APOL3: variants seen among roughly 807,000 people sequenced by gnomAD.
APOL3 encodes the protein apolipoprotein L3.
APOL3 carries 14 observed loss-of-function variants against 11.6 expected under a neutral mutation model. That is an observed-to-expected ratio of 1.21 (90% CI 0.80 to 1.89). The LOEUF is 1.89. Among genes scored for constraint, APOL3 ranks in the 40% most tolerant of loss-of-function variants. The pLI is 0.00. For synonymous variants in APOL3, 192 were observed against 190.6 expected, an observed-to-expected ratio of 1.01 and a Z score of -0.06; for missense variants, 483 against 492.1, an observed-to-expected ratio of 0.98 and a Z score of 0.17.
rs551567366 is a variant in APOL3 at position 36,158,534 on chromosome 22, AATGCGCCTGGCACGGTGGCTC to A, written c.223+2114_223+2134del. 3.9e-5 allele frequency among the ~76,000 whole-genome samples: 6 copies of A among 152,216 alleles called. No homozygotes were observed. In the East Asian group the frequency reaches 1.2e-3, roughly 29 times the overall value. On this transcript the variant is annotated intron_variant, in intron 1 of 2. Transcript: ENST00000349314. ...AACACTATGCCCATTAAGACTAAGG[AATGCGCCTGGCACGGTGGCTC>A]ATGCCTGTAATCCCAGCACTTTGGG...
chr22:36,152,806 T>TTTAC (rs2011995177), intron 1 of APOL3, among the ~76,000 whole-genome samples: 1 of 152,114 alleles, frequency 6.6e-6, no homozygotes, highest in Non-Finnish European at 1.5e-5. Context: ...AAGAAAATGA[T>TTTAC]TTACTCCCTA....
chr22:36,147,327 CT>C (rs2060256822), intron 1 of APOL3, among the ~76,000 whole-genome samples: 1 of 152,134 alleles, frequency 6.6e-6, no homozygotes, highest in African/African-American at 2.4e-5. Context: ...CCCTGTGGCC[CT>C]TCTGTGTTAC....
intron 2 of APOL3, among the ~76,000 whole-genome samples, chr22:36,145,011 AAAAAAAAAAAAAAAG>A (rs1196200125): frequency 4.5e-4 from 51 of 114,230 alleles, no homozygotes; most frequent in Admixed American, 3.3e-3. Flanking sequence ...CTCTGTCTCA[AAAAAAAAAAAAAAAG>A]AAAAAAAAAG....
Position 36,158,049 on chromosome 22 carries a change from C to CATAAATAA in APOL3, c.223+2612_223+2619dup, listed in dbSNP as rs58569199. Among the ~76,000 whole-genome samples, 254 of 151,668 alleles carry CATAAATAA rather than the reference C, an allele frequency of 1.7e-3. 2 individuals carry two copies. The highest frequency in any genetic ancestry group is 6.0e-3 in the African/African-American group (248 of 41,246). On this transcript the variant is annotated intron_variant, in intron 1 of 2. Coordinates refer to ENST00000349314, the Ensembl canonical transcript of APOL3. ...TGGGCAACAAAGCCAGACTCCATCT[C>CATAAATAA]ATAAATAAATAAATAAATAAATAAA...
intron 2 of APOL3, among the ~76,000 whole-genome samples, chr22:36,143,641 T>C (rs989153254): frequency 6.6e-6 from 1 of 152,186 alleles, no homozygotes; most frequent in African/African-American, 2.4e-5. Context: ...ACTGCCCCCT[T>C]TGACTGAAAA....
At chr22:36,152,505 G>A (rs985253218) in intron 1 of APOL3, among the ~76,000 whole-genome samples, 4 of 152,066 alleles carry the variant, frequency 2.6e-5, no homozygotes, top group Admixed American at 6.5e-5. Flanking sequence ...AAGGAAGGAG[G>A]GGGAGGATTA....
In APOL3 at chr22:36,157,821, G is replaced by A. The variant is rs147198645; in HGVS notation, c.223+2848C>T. ...TCCCAGCACTTTGGCAGGCCAAGGCGGGTGGATCACCTGAGGTCAGGAGTT... is the reference window on the plus strand; with the variant it reads ...TCCCAGCACTTTGGCAGGCCAAGGCAGGTGGATCACCTGAGGTCAGGAGTT... On this transcript the variant is annotated intron_variant, in intron 1 of 2. Transcript: ENST00000349314. 1.8e-4 allele frequency among the ~76,000 whole-genome samples: 28 copies of A among 152,292 alleles called. No homozygotes were observed. In the East Asian group the frequency reaches 4.8e-3, roughly 26 times the overall value.
exon 3 of APOL3, chr22:36,141,879 A>G (rs374947997): frequency 1.2e-6 from 2 of 1,614,224 alleles, no homozygotes; most frequent in East Asian, 2.2e-5. Flanking sequence ...GACCTCTTCA[A>G]TACCATTTGC....
At chr22:36,165,388 T>A (rs1306957881), upstream of APOL3, 1 of 152,174 alleles carries the variant, frequency 6.6e-6, no homozygotes, top group Non-Finnish European at 1.5e-5. Flanking sequence ...CAACACTTGA[T>A]AAACATTGCT....
intron 2 of APOL3, among the ~76,000 whole-genome samples, chr22:36,144,575 C>A (rs2060116531): frequency 6.6e-6 from 1 of 152,112 alleles, no homozygotes; most frequent in South Asian, 2.1e-4. Flanking sequence ...TCTGTGTCAG[C>A]AGGAGGATCC....
intron 1 of APOL3, among the ~76,000 whole-genome samples, chr22:36,159,920 G>T (rs932721176): frequency 7.3e-5 from 11 of 151,500 alleles, no homozygotes; most frequent in Non-Finnish European, 1.6e-4. Context: ...TGTCAGGAGT[G>T]CACTCAGGCT....
At chr22:36,156,356 G>A (rs561223715) in intron 1 of APOL3, among the ~76,000 whole-genome samples, 21 of 152,072 alleles carry the variant, frequency 1.4e-4, no homozygotes, top group Non-Finnish European at 2.4e-4. Context: ...ATTAGCCTTC[G>A]TGCATTAGCA....
chr22:36,146,960 T>G (rs1275254708), intron 1 of APOL3, among the ~76,000 whole-genome samples: 1 of 152,044 alleles, frequency 6.6e-6, no homozygotes, highest in Non-Finnish European at 1.5e-5. Context: ...TTTCCTGCCG[T>G]GGACACACTT....
intron 1 of APOL3, among the ~76,000 whole-genome samples, chr22:36,148,384 T>G (rs924646709): frequency 1.3e-5 from 2 of 152,252 alleles, no homozygotes; most frequent in African/African-American, 4.8e-5. Context: ...GAGGCCCTAC[T>G]GTGTGGCAGG....
At chr22:36,147,192 C>T (rs546222424) in intron 1 of APOL3, among the ~76,000 whole-genome samples, 5 of 152,296 alleles carry the variant, frequency 3.3e-5, no homozygotes, top group Admixed American at 2.6e-4. Context: ...AAGAATATTT[C>T]AACCCTACAC....
chr22:36,140,429 A>G (rs990451539), exon 3 of APOL3: 1 of 152,144 alleles, frequency 6.6e-6, no homozygotes, highest in Admixed American at 6.5e-5. Context: ...TTTTCAGTTA[A>G]TTTTCTGTCT....
At chr22:36,145,526 C>A (rs776053188) in exon 2 of APOL3, 5 of 1,614,064 alleles carry the variant, frequency 3.1e-6, no homozygotes, top group East Asian at 4.5e-5. Context: ...TGTTAGTCAG[C>A]AGGATTTGCA....
chr22:36,145,539 T>C (rs572197744), exon 2 of APOL3: 1 of 1,614,230 alleles, frequency 6.2e-7, no homozygotes, highest in African/African-American at 1.3e-5. Flanking sequence ...GATTTGCAGA[T>C]GCACTGGGCT....
chr22:36,141,795 C>A lies in APOL3; in HGVS notation c.614G>T (p.Gly205Val). The A allele has an allele frequency of 3.1e-6, 5 of 1,614,198 alleles. No individual in the cohort carries two copies. Among genetic ancestry groups the A allele is most frequent in the Non-Finnish European group, 4.2e-6 (5 of 1,180,046 alleles). Reference sequence around the variant, plus strand: ...TGCTGTAAATGGTGCCAAAACAAGACCAGCAAGGGACATGATGCCAGAGGC... The same window carrying A: ...TGCTGTAAATGGTGCCAAAACAAGAACAGCAAGGGACATGATGCCAGAGGC... The change falls in exon 3 of 3, where the codon GGT becomes GTT. Residue 205 changes from glycine to valine, a missense_variant. Transcript: ENST00000349314.
Sources: gnomAD v4.1 joint callset for allele counts (sites outside exome capture counted in the v4.1 genomes callset) on GRCh38, gnomAD v4.1.1 for gene constraint, MANE v1.5 for transcripts, NCBI Gene and HGNC (gene_info 2026-07-23, HGNC 2026-07-21) for gene names.